LEMD1: variants seen among roughly 807,000 people sequenced by gnomAD.
LEMD1 encodes the protein LEM domain containing 1, also known as LEM domain-containing protein 1.
In LEMD1, 18 loss-of-function variants were observed where a neutral mutation model predicts 17.4. That is an observed-to-expected ratio of 1.04 (90% confidence interval 0.72 to 1.54). The LOEUF is 1.54. Ranked by LOEUF, LEMD1 falls within the 40% of genes most tolerant of loss-of-function variation. LEMD1 has a pLI of 0.00. For missense variants in LEMD1, 195 were observed against 210.4 expected (o/e 0.93, Z 0.45); for synonymous variants, 88 against 77.8 (o/e 1.13, Z -0.69).
chr1:205,433,418 C>T (rs1336556791), intron 1 of LEMD1, among the ~76,000 whole-genome samples: 1 of 152,144 alleles, frequency 6.6e-6, no homozygotes, highest in African/African-American at 2.4e-5. Flanking sequence ...GGTTGCGCCA[C>T]TGCACTCCAG....
intron 1 of LEMD1, among the ~76,000 whole-genome samples, chr1:205,446,965 C>A (rs1375331640): frequency 6.6e-6 from 1 of 152,194 alleles, no homozygotes; most frequent in African/African-American, 2.4e-5. Flanking sequence ...AAAAGGAAAA[C>A]CAGTGATGGA....
intron 4 of LEMD1, among the ~76,000 whole-genome samples, chr1:205,388,284 G>A (rs1255093242): frequency 6.6e-6 from 1 of 151,106 alleles, no homozygotes; most frequent in Non-Finnish European, 1.5e-5. Flanking sequence ...TGCAATCGCC[G>A]CCTCCCAGGT....
intron 1 of LEMD1, among the ~76,000 whole-genome samples, chr1:205,443,529 G>C (rs548798295): frequency 3.9e-5 from 6 of 152,298 alleles, no homozygotes; most frequent in Non-Finnish European, 5.9e-5. Context: ...CAGGAGCTGG[G>C]CTAGGGGCTG....
At chr1:205,382,166 T>A in intron 5 of LEMD1, 1 of 263,514 alleles carries the variant, frequency 3.8e-6, no homozygotes, top group African/African-American at 2.2e-5. Context: ...CACCCCCAGC[T>A]AATTAAAAAA....
intron 4 of LEMD1, among the ~76,000 whole-genome samples, chr1:205,404,268 TG>T (rs1574968800): frequency 1.3e-5 from 2 of 152,136 alleles, no homozygotes; most frequent in East Asian, 3.9e-4. Context: ...GTTAACTTTC[TG>T]TCTCGTTGAT....
chr1:205,381,986 T>C (rs1663725003), intron 5 of LEMD1, 130 bp from the exon 6 acceptor site: 2 of 808,534 alleles, frequency 2.5e-6, no homozygotes, highest in Admixed American at 4.6e-5. Context: ...CTCTCCTTAC[T>C]AAAAACCTAG....
chr1:205,430,848 A>T (rs1257543406), intron 1 of LEMD1, among the ~76,000 whole-genome samples: 3 of 152,256 alleles, frequency 2.0e-5, no homozygotes, highest in Admixed American at 6.5e-5. Context: ...CAGCAGACGG[A>T]ACTCGACTTA....
intron 4 of LEMD1, among the ~76,000 whole-genome samples, chr1:205,400,280 A>G (rs1166634484): frequency 6.6e-6 from 1 of 151,642 alleles, no homozygotes; most frequent in Non-Finnish European, 1.5e-5. Context: ...CCACTATTGA[A>G]CTCCTGAGCT....
At chr1:205,409,821 G>A (rs1665303758) in intron 4 of LEMD1, among the ~76,000 whole-genome samples, 1 of 151,468 alleles carries the variant, frequency 6.6e-6, no homozygotes, top group Non-Finnish European at 1.5e-5. Context: ...TGCCCAGGCT[G>A]GAGGGCAATG....
At chr1:205,395,567 C>G (rs1177184726) in intron 4 of LEMD1, among the ~76,000 whole-genome samples, 2 of 149,158 alleles carry the variant, frequency 1.3e-5, no homozygotes, top group African/African-American at 4.9e-5. Flanking sequence ...GCAATGTAGC[C>G]TGGGCAACAA....
upstream of LEMD1, among the ~76,000 whole-genome samples, chr1:205,425,193 C>G (rs1221242259): frequency 1.3e-5 from 2 of 152,198 alleles, no homozygotes; most frequent in Non-Finnish European, 2.9e-5. Flanking sequence ...TCTAGTCAAC[C>G]CTTGATTATC....
At chr1:205,391,551 A>G (rs1558710484) in intron 4 of LEMD1, among the ~76,000 whole-genome samples, 2 of 152,200 alleles carry the variant, frequency 1.3e-5, no homozygotes, top group African/African-American at 4.8e-5. Flanking sequence ...CTCCGCCCCT[A>G]CTAGCCAAGA....
chr1:205,400,171 C>T lies in LEMD1; in HGVS notation c.271-15807G>A, dbSNP rs188344134. On this transcript the variant is annotated intron_variant, in intron 4 of 5. Transcript: ENST00000367153. ...CAATCTCCCAGGCTCAAACCATCCT[C>T]CCACTTCAGTCTCCCAGGTAGCTGG... Among the ~76,000 whole-genome samples, 339 of 152,336 alleles carry T rather than the reference C, an allele frequency of 2.2e-3. 2 individuals are homozygous for T. Among genetic ancestry groups the T allele is most frequent in the African/African-American group, 7.9e-3 (328 of 41,576 alleles).
chr1:205,433,480 A>T (rs756959825), intron 1 of LEMD1, among the ~76,000 whole-genome samples: 48 of 152,116 alleles, frequency 3.2e-4, no homozygotes, highest in Non-Finnish European at 1.2e-4. Flanking sequence ...ATAATATTAA[A>T]TTGTGAGTTT....
At chr1:205,406,556 G>A (rs529414503) in intron 4 of LEMD1, among the ~76,000 whole-genome samples, 2 of 152,046 alleles carry the variant, frequency 1.3e-5, no homozygotes, top group South Asian at 2.1e-4. Flanking sequence ...TAAGCCTGTC[G>A]GAAAAGCGCA....
At chr1:205,447,505 T>C (rs952750910) in intron 1 of LEMD1, among the ~76,000 whole-genome samples, 5 of 152,226 alleles carry the variant, frequency 3.3e-5, no homozygotes, top group African/African-American at 1.2e-4. Flanking sequence ...ACGAGGATGC[T>C]TCCTCTTCCA....
rs1016184695 is a variant in LEMD1, at chr1:205,448,552, C to T, written c.-39+1316G>A. On this transcript the variant is annotated intron_variant, in intron 1 of 3. Transcript: ENST00000367154. The surrounding 1 kb of genome is among the most constrained non-coding windows in gnomAD (Gnocchi z 4.7). ...CAGGTTAAATTCTCTCACCATCTTC[C>T]ACCACCTGCACTAAAGCCATCCCAG... is the stretch of plus-strand genomic sequence containing the variant. Among the ~76,000 whole-genome samples, 1 of 152,160 alleles carries T rather than the reference C, an allele frequency of 6.6e-6. No homozygotes were observed. The highest frequency in any genetic ancestry group is 1.5e-5 in the Non-Finnish European group (1 of 68,028).
intron 4 of LEMD1, among the ~76,000 whole-genome samples, chr1:205,406,396 G>A (rs866982195): frequency 4.5e-4 from 69 of 152,142 alleles, no homozygotes; most frequent in African/African-American, 1.3e-3. Context: ...TTACCTAAGC[G>A]AGCCTGGGCA....
chr1:205,428,064 A>G (rs1012581208), intron 1 of LEMD1, among the ~76,000 whole-genome samples: 3 of 152,256 alleles, frequency 2.0e-5, no homozygotes, highest in African/African-American at 7.2e-5. Context: ...AGGGCCTAGG[A>G]AGCAGGATAA....
Sources: gnomAD v4.1 joint callset for allele counts (sites outside exome capture counted in the v4.1 genomes callset) on GRCh38, gnomAD v4.1.1 for gene constraint, Gnocchi (gnomAD v3.1) non-coding constraint, MANE v1.5 for transcripts, NCBI Gene and HGNC (gene_info 2026-07-23, HGNC 2026-07-21) for gene names.